The following TERB1 variants were observed in gnomAD, a reference collection of about 807,000 sequenced individuals.
TERB1 encodes the protein telomere repeat binding bouquet formation protein 1.
Under a neutral mutation model 92.3 loss-of-function variants are expected in TERB1, and 63 were observed. That is an observed-to-expected ratio of 0.68 (90% CI 0.56 to 0.84). The LOEUF (loss-of-function observed/expected upper bound fraction) is 0.84, where lower values mean the gene tolerates loss of function less well. TERB1 is among the 40% of genes least tolerant of loss of function. The probability of loss-of-function intolerance (pLI) is 0.00; values close to 1 mark genes in which losing one functional copy is unlikely to be tolerated. For missense variants in TERB1, 709 were observed against 843.7 expected (o/e 0.84, Z 1.98); for synonymous variants, 252 against 283.9 (o/e 0.89, Z 1.13).
chr16:66,800,670 G>A (rs559318859), intron 2 of TERB1, among the ~76,000 whole-genome samples: 1 of 152,202 alleles, frequency 6.6e-6, no homozygotes, highest in South Asian at 2.1e-4. Context: ...TTTGTCAGCG[G>A]ATATCCAGCT....
rs2018110220 is a variant in TERB1, at chr16:66,754,875, C to T, written c.*101G>A. Reference sequence around the variant, plus strand: ...TTTAATGAAAACTGTATCCTCATTTCCACATTCCTTCTCATGAGAGTTTAG... The same window carrying T: ...TTTAATGAAAACTGTATCCTCATTTTCACATTCCTTCTCATGAGAGTTTAG... On this transcript the variant is annotated 3_prime_UTR_variant, in exon 19 of 19. Transcript: ENST00000433154. 9.2e-7 allele frequency: 1 copy of T among 1,084,652 alleles called. No homozygotes were observed. 67.2% of individuals were successfully genotyped at this position (1,084,652 alleles called of 1,614,324 possible). A position where few individuals can be genotyped will look rare whatever the true frequency, so the allele number is the denominator to read the frequency against.
chr16:66,798,207 T>A (rs1254084005), intron 2 of TERB1, among the ~76,000 whole-genome samples: 1 of 145,966 alleles, frequency 6.9e-6, no homozygotes, highest in African/African-American at 2.6e-5. Flanking sequence ...AGAGATAGGG[T>A]CTCAATCTGT....
chr16:66,795,519 T>C (rs2018914506), intron 3 of TERB1, among the ~76,000 whole-genome samples: 1 of 152,224 alleles, frequency 6.6e-6, no homozygotes, highest in Admixed American at 6.5e-5. Context: ...CAAATCCTTA[T>C]CTCACAGTCT....
intron 16 of TERB1, among the ~76,000 whole-genome samples, chr16:66,760,527 C>A (rs2018221776): frequency 9.1e-6 from 1 of 110,062 alleles, no homozygotes; most frequent in Non-Finnish European, 1.8e-5. Flanking sequence ...ATGGCTCATG[C>A]CTGTAACCCC....
In TERB1 at chr16:66,791,757, T is replaced by C. The variant is rs375987758; in HGVS notation, c.32-738A>G. On this transcript the variant is annotated intron_variant, in intron 3 of 18. Transcript: ENST00000433154. ...ACTCACCCAAGAAGAAAAAGACAAC[T>C]TGAATAGTCCTATATCTATGAAAGA... 2.2e-4 allele frequency among the ~76,000 whole-genome samples: 34 copies of C among 152,232 alleles called. No individual in the cohort carries two copies. The East Asian group carries it at 3.5e-3, about 16-fold the overall frequency.
intron 3 of TERB1, among the ~76,000 whole-genome samples, chr16:66,794,601 A>G (rs1023979268): frequency 6.6e-6 from 1 of 152,120 alleles, no homozygotes; most frequent in Non-Finnish European, 1.5e-5. Context: ...ACCAGCAAAC[A>G]CTGAAGTGAA....
In TERB1 at chr16:66,772,610, C is replaced by G; in HGVS notation, c.1251G>C (p.Gln417His). 6.5e-7 allele frequency: 1 copy of G among 1,546,678 alleles called. No individual in the cohort carries two copies. Among genetic ancestry groups the G allele is most frequent in the South Asian group, 1.2e-5 (1 of 82,098 alleles). ...CAACCTCATTTCCTTCTCTTTCAAG[C>G]TGTTCTATTCTGTGTAGAATTTCCT... The part of the protein sequence containing the change: ...KAKEILHRIE[Q>H]LEREGNEEEI... The change falls in exon 13 of 19, where the codon CAG becomes CAC. Residue 417 changes from glutamine to histidine, a missense_variant. Coordinates refer to ENST00000433154, the MANE Select transcript of TERB1 (RefSeq NM_001136505.2).
At chr16:66,765,336 C>A (rs530087145) in intron 16 of TERB1, among the ~76,000 whole-genome samples, 4 of 152,182 alleles carry the variant, frequency 2.6e-5, no homozygotes, top group Admixed American at 6.5e-5. Flanking sequence ...CTGTCAGATC[C>A]AAGACAACTT....
chr16:66,775,040 C>T (rs1408317422), intron 12 of TERB1, 78 bp downstream of exon 12: 21 of 1,416,470 alleles, frequency 1.5e-5, no homozygotes, highest in Non-Finnish European at 2.0e-5. Context: ...AGCTATAGGG[C>T]CTTGGCTCAT....
At chr16:66,765,353 T>C (rs1325969540) in intron 16 of TERB1, among the ~76,000 whole-genome samples, 1 of 152,180 alleles carries the variant, frequency 6.6e-6, no homozygotes, top group Non-Finnish European at 1.5e-5. Flanking sequence ...ACTTAATAAG[T>C]ATTTATGTTC....
intron 18 of TERB1, 78 bp from the exon 19 acceptor site, chr16:66,755,241 T>C (rs2018117876): frequency 2.3e-6 from 2 of 852,040 alleles, no homozygotes; most frequent in Non-Finnish European, 3.7e-6. Context: ...TATTTGGATA[T>C]GCTTAACTTA....
intron 4 of TERB1, 69 bp downstream of exon 4, chr16:66,790,840 A>G: frequency 1.4e-6 from 2 of 1,398,634 alleles, no homozygotes; most frequent in Non-Finnish European, 2.0e-6. Flanking sequence ...ATAAAGAACT[A>G]TGCTTATTTG....
chr16:66,772,614 T>C lies in TERB1; in HGVS notation c.1247A>G (p.Glu416Gly). The stretch of plus-strand genomic sequence containing the variant: ...CTCATTTCCTTCTCTTTCAAGCTGT[T>C]CTATTCTGTGTAGAATTTCCTTTGC... ...RKAKEILHRI[E>G]QLEREGNEEE... The change falls in exon 13 of 19, where the codon GAA (glutamate) becomes GGA (glycine). Residue 416 changes from glutamate to glycine, a missense_variant. Transcript: ENST00000433154. The C allele has an allele frequency of 6.4e-7, 1 of 1,551,452 alleles. No individual in the cohort carries two copies. The highest frequency in any genetic ancestry group is 8.7e-7 in the Non-Finnish European group (1 of 1,146,870).
At chr16:66,778,459 G>A (rs1318022408) in intron 10 of TERB1, among the ~76,000 whole-genome samples, 1 of 151,936 alleles carries the variant, frequency 6.6e-6, no homozygotes, top group Admixed American at 6.6e-5. Flanking sequence ...TGTCACCCAG[G>A]CTGGAGTGCA....
Position 66,785,801 on chromosome 16 carries a change from T to G in TERB1, c.685A>C (p.Thr229Pro). The G allele has an allele frequency of 6.5e-7, 1 of 1,542,736 alleles. No individual in the cohort carries two copies. Among genetic ancestry groups the G allele is most frequent in the Non-Finnish European group, 8.8e-7 (1 of 1,142,600 alleles). ...GAACACTTACTGTTATTTGCAAGAG[T>G]GAGTCCAATAAATGAGCAAATAGGG... Reference protein sequence around the residue: ...IRPICSFIGLTLANNTYVQKY... With the variant: ...IRPICSFIGLPLANNTYVQKY... Residue 229 changes from threonine to proline, a missense_variant, in exon 9 of 19, where the codon ACT becomes CCT. Transcript: ENST00000433154.
At chr16:66,793,687 T>A (rs1361483204) in intron 3 of TERB1, among the ~76,000 whole-genome samples, 2 of 152,066 alleles carry the variant, frequency 1.3e-5, no homozygotes, top group African/African-American at 4.8e-5. Context: ...AAATTTTTTT[T>A]ATTTTAGTAG....
intron 9 of TERB1, among the ~76,000 whole-genome samples, chr16:66,779,640 C>A (rs2018604196): frequency 6.6e-6 from 1 of 151,852 alleles, no homozygotes; most frequent in South Asian, 2.1e-4. Context: ...ACAAAAAAAA[C>A]ACCTAACCCT....
At chr16:66,791,846 T>C (rs1597026413) in intron 3 of TERB1, among the ~76,000 whole-genome samples, 2 of 152,266 alleles carry the variant, frequency 1.3e-5, no homozygotes, top group Non-Finnish European at 2.9e-5. Context: ...GTTTCATCTG[T>C]AAATTCTACC....
chr16:66,759,995 T>C (rs1360710018), intron 16 of TERB1, among the ~76,000 whole-genome samples: 1 of 136,956 alleles, frequency 7.3e-6, no homozygotes, highest in Non-Finnish European at 1.5e-5. Context: ...TAGCCAGGCA[T>C]GGTGGTGGGT....
Sources: allele counts gnomAD v4.1 joint callset (sites outside exome capture counted in the v4.1 genomes callset), GRCh38; gene constraint gnomAD v4.1.1; transcripts MANE v1.5; gene names NCBI Gene and HGNC (gene_info 2026-07-23, HGNC 2026-07-21).